PARD3: variants seen among roughly 807,000 people sequenced by gnomAD.
PARD3 encodes par-3 family cell polarity regulator.
In PARD3, 75 loss-of-function variants were observed where a neutral mutation model predicts 155.4. The ratio of observed to expected loss-of-function variants is 0.48; its 90% CI spans 0.40 to 0.58. The LOEUF is 0.58. PARD3 is among the 20% of genes least tolerant of loss of function. PARD3 has a pLI of 0.00. For synonymous variants in PARD3, 576 were observed against 610.5 expected, an observed-to-expected ratio of 0.94 and a Z score of 0.83; for missense variants, 1,642 against 1,721.7, an observed-to-expected ratio of 0.95 and a Z score of 0.82.
intron 5 of PARD3, among the ~76,000 whole-genome samples, chr10:34,430,898 G>A (rs1198807231): frequency 6.6e-6 from 1 of 152,158 alleles, no homozygotes; most frequent in African/African-American, 2.4e-5. Flanking sequence ...TGACACAGAG[G>A]GAGCACCGCA....
At chr10:34,616,116 C>T (rs1168688085) in intron 2 of PARD3, among the ~76,000 whole-genome samples, 8 of 152,018 alleles carry the variant, frequency 5.3e-5, no homozygotes, top group Non-Finnish European at 1.0e-4. Context: ...GCCAGGAGTT[C>T]GAGACCAGCC....
chr10:34,169,595 A>G (rs1433431169), intron 22 of PARD3, among the ~76,000 whole-genome samples: 1 of 152,180 alleles, frequency 6.6e-6, no homozygotes, highest in African/African-American at 2.4e-5. Flanking sequence ...TTTAGATGAG[A>G]GAAAAAGAAT....
Position 34,110,842 on chromosome 10 carries a change from G to A in PARD3, c.*327C>T, listed in dbSNP as rs944821893. On this transcript the variant is annotated 3_prime_UTR_variant, in exon 25 of 25. Coordinates refer to ENST00000374788, the MANE Select transcript of PARD3 (RefSeq NM_001184785.2). ...ACTTCAGGTGAATTTGTCACTGCAA[G>A]TGGTGCAGGGATGTTACAACCAAGC... 3 of 195,400 alleles carry A rather than the reference G, an allele frequency of 1.5e-5. No individual in the cohort carries two copies. Among genetic ancestry groups the A allele is most frequent in the African/African-American group, 2.3e-5 (1 of 43,176 alleles). 12.1% of individuals were successfully genotyped at this position (195,400 alleles called of 1,614,324 possible).
intron 19 of PARD3, among the ~76,000 whole-genome samples, chr10:34,327,837 C>T (rs192880865): frequency 2.6e-5 from 4 of 152,156 alleles, no homozygotes; most frequent in African/African-American, 9.6e-5. Context: ...ACCATCGGGA[C>T]AAGAAAGAAC....
At chr10:34,445,670 A>G (rs2076699480) in intron 5 of PARD3, among the ~76,000 whole-genome samples, 1 of 152,164 alleles carries the variant, frequency 6.6e-6, no homozygotes, top group Admixed American at 6.5e-5. Flanking sequence ...ACTTCCTTAA[A>G]AACAGGTCTA....
At chr10:34,549,474 T>A (rs2084362788) in intron 2 of PARD3, among the ~76,000 whole-genome samples, 3 of 152,266 alleles carry the variant, frequency 2.0e-5, no homozygotes, top group African/African-American at 7.2e-5. Flanking sequence ...AAGGTAAGAA[T>A]GGGATCTGGT....
In PARD3 at chr10:34,440,088, A is replaced by G. The variant is rs560059041; in HGVS notation, c.714+10229T>C. ...AATTTTTTAGGGCCATTTCAAGACC[A>G]TGTTGAAGGTAACTGGGAAAGTCCT... On this transcript the variant is annotated intron_variant, in intron 5 of 24. Coordinates refer to ENST00000374788, the MANE Select transcript of PARD3 (RefSeq NM_001184785.2). Among the ~76,000 whole-genome samples the G allele has an allele frequency of 7.2e-5, 11 of 152,330 alleles. 1 individual carries two copies. Among genetic ancestry groups the G allele is most frequent in the Admixed American group, 2.6e-4 (4 of 15,300 alleles).
chr10:34,550,072 T>A (rs899973048), intron 2 of PARD3, among the ~76,000 whole-genome samples: 3 of 152,054 alleles, frequency 2.0e-5, no homozygotes, highest in African/African-American at 7.2e-5. Context: ...TCTCACAGGC[T>A]CCATGAGGTG....
intron 5 of PARD3, 61 bp from the exon 6 acceptor site, chr10:34,401,978 A>C: frequency 7.7e-7 from 1 of 1,290,704 alleles, no homozygotes; most frequent in South Asian, 1.2e-5. Flanking sequence ...TACAATGTGA[A>C]AGGAAACTGG....
intron 2 of PARD3, among the ~76,000 whole-genome samples, chr10:34,577,769 C>T (rs537011545): frequency 6.6e-6 from 1 of 152,124 alleles, no homozygotes; most frequent in African/African-American, 2.4e-5. Context: ...TAGATGGATT[C>T]TTTAAATTTT....
At chr10:34,603,938 C>T (rs978656282) in intron 2 of PARD3, among the ~76,000 whole-genome samples, 2 of 152,068 alleles carry the variant, frequency 1.3e-5, no homozygotes, top group African/African-American at 4.8e-5. Context: ...TGGAGTAAGG[C>T]GGTGACGGTC....
At chr10:34,617,370 C>T (rs1455252143) in intron 2 of PARD3, among the ~76,000 whole-genome samples, 1 of 152,074 alleles carries the variant, frequency 6.6e-6, no homozygotes, top group Non-Finnish European at 1.5e-5. Flanking sequence ...TTAACAGACA[C>T]AAAATTACAG....
At chr10:34,686,147 C>T (rs1457287466) in intron 2 of PARD3, among the ~76,000 whole-genome samples, 1 of 152,116 alleles carries the variant, frequency 6.6e-6, no homozygotes, top group East Asian at 1.9e-4. Flanking sequence ...GTGTGAACTA[C>T]AATTGTTACA....
chr10:34,134,853 T>C (rs1947810274), intron 22 of PARD3, among the ~76,000 whole-genome samples: 2 of 152,216 alleles, frequency 1.3e-5, no homozygotes, highest in Non-Finnish European at 2.9e-5. Context: ...GATGAAACCA[T>C]TACAATTGCT....
chr10:34,508,444 TA>T (rs2081213959), intron 3 of PARD3, among the ~76,000 whole-genome samples: 1 of 152,152 alleles, frequency 6.6e-6, no homozygotes, highest in Admixed American at 6.5e-5. Context: ...AGGAGATATT[TA>T]AAAATTTGAA....
intron 2 of PARD3, among the ~76,000 whole-genome samples, chr10:34,671,373 T>C (rs2093607581): frequency 6.6e-6 from 1 of 152,218 alleles, no homozygotes; most frequent in African/African-American, 2.4e-5. Context: ...AAGTCAAACT[T>C]TCCCATTAAA....
At position 34,155,288 on chromosome 10, in the gene PARD3, A is replaced by C. The variant is rs916390910; in HGVS notation, c.3420-23705T>G. 7.9e-5 allele frequency among the ~76,000 whole-genome samples: 12 copies of C among 151,814 alleles called. 1 individual carries two copies. The highest frequency in any genetic ancestry group is 7.9e-4 in the Admixed American group (12 of 15,250). On this transcript the variant is annotated intron_variant, in intron 22 of 24. Coordinates refer to ENST00000374788, the MANE Select transcript of PARD3 (RefSeq NM_001184785.2). ...ATGTCCAAATAAATAAGACAGATCG[A>C]ACACATCTATGCAGCCTCGACGCTC...
At chr10:34,606,626 C>A (rs768536386) in intron 2 of PARD3, among the ~76,000 whole-genome samples, 19 of 125,590 alleles carry the variant, frequency 1.5e-4, no homozygotes, top group Admixed American at 3.6e-4. Context: ...CATAGTGAGA[C>A]CCCCGTGTCT....
At chr10:34,203,655 C>T (rs1212433540) in intron 22 of PARD3, among the ~76,000 whole-genome samples, 1 of 152,188 alleles carries the variant, frequency 6.6e-6, no homozygotes, top group Non-Finnish European at 1.5e-5. Context: ...AATATCTGAA[C>T]ATGTTCAGTG....
Sources: allele counts gnomAD v4.1 joint callset (sites outside exome capture counted in the v4.1 genomes callset), GRCh38; gene constraint gnomAD v4.1.1; transcripts MANE v1.5; gene names NCBI Gene and HGNC (gene_info 2026-07-23, HGNC 2026-07-21).